B4GALNT3: variants seen among roughly 807,000 people sequenced by gnomAD.
The protein encoded by B4GALNT3 is beta-1,4-N-acetyl-galactosaminyltransferase 3.
Under a neutral mutation model 120.2 loss-of-function variants are expected in B4GALNT3, and 86 were observed. The ratio of observed to expected loss-of-function variants is 0.72; its 90% CI spans 0.60 to 0.86. The LOEUF (loss-of-function observed/expected upper bound fraction) is 0.86, where lower values mean the gene tolerates loss of function less well. B4GALNT3 is among the 40% of genes least tolerant of loss of function. The pLI, the probability that B4GALNT3 is intolerant of heterozygous loss-of-function variation, is 0.00. For synonymous variants in B4GALNT3, 518 were observed against 510.4 expected (o/e 1.01, Z -0.20); for missense variants, 1,167 against 1,298.9 (o/e 0.90, Z 1.56).
In B4GALNT3 at chr12:559,434, A is replaced by C; in HGVS notation, c.2888+13A>C. The C allele has an allele frequency of 6.2e-7, 1 of 1,612,860 alleles. No homozygotes were observed. The highest frequency in any genetic ancestry group is 8.5e-7 in the Non-Finnish European group (1 of 1,179,084). The stretch of plus-strand genomic sequence containing the variant: ...AGCTGCTGGACAGGTGACTGGGAAG[A>C]GGAGGGCATCCACGAGGCCTGGGAA... On this transcript the variant is annotated intron_variant, in intron 19 of 19. Transcript: ENST00000266383.
intron 1 of B4GALNT3, among the ~76,000 whole-genome samples, chr12:528,554 G>A (rs1946778439): frequency 6.6e-6 from 1 of 152,240 alleles, no homozygotes; most frequent in Admixed American, 6.5e-5. Context: ...TACTAGAAAG[G>A]ATAGGTTTAG....
At chr12:501,302 T>C (rs79779426) in intron 1 of B4GALNT3, among the ~76,000 whole-genome samples, 18 of 152,322 alleles carry the variant, frequency 1.2e-4, no homozygotes, top group African/African-American at 4.1e-4. Context: ...CTAATCTATT[T>C]GCAGGGTTGT....
At chr12:554,738 T>C (rs7978869) in intron 14 of B4GALNT3, among the ~76,000 whole-genome samples, 26,849 of 115,614 alleles carry the variant, frequency 0.23, 4,206 homozygotes, top group African/African-American at 0.47. Context: ...TGCAGTGAGC[T>C]GAGATTGCGC....
At chr12:535,550 G>T (rs1296467628) in intron 2 of B4GALNT3, among the ~76,000 whole-genome samples, 1 of 152,134 alleles carries the variant, frequency 6.6e-6, no homozygotes, top group Non-Finnish European at 1.5e-5. Flanking sequence ...GCCCGTGCCG[G>T]AACCACTCCG....
chr12:464,709 G>T (rs1946060221), intron 1 of B4GALNT3, among the ~76,000 whole-genome samples: 2 of 152,274 alleles, frequency 1.3e-5, no homozygotes, highest in African/African-American at 4.8e-5. Flanking sequence ...AAGACAGAAG[G>T]ATGGCATGTG....
rs1180578699 is a variant in B4GALNT3 at position 561,245 on chromosome 12, C to T, written c.2889-98C>T. Reference sequence around the variant, plus strand: ...CGTCCACTGCACCTGCCTTCCCTGCCCCGTGGGGAGCGAACAGAGGGTCTG... The same window carrying T: ...CGTCCACTGCACCTGCCTTCCCTGCTCCGTGGGGAGCGAACAGAGGGTCTG... On this transcript the variant is annotated intron_variant, in intron 19 of 19. Transcript: ENST00000266383. 6 of 877,886 alleles carry T rather than the reference C, an allele frequency of 6.8e-6. No individual in the cohort carries two copies. In the East Asian group the frequency reaches 1.3e-4, roughly 19 times the overall value. The allele number at this position is 877,886 out of a possible 1,614,324, so 54.4% of individuals were successfully genotyped here. A position where few individuals can be genotyped will look rare whatever the true frequency, so the allele number is the denominator to read the frequency against.
intron 1 of B4GALNT3, among the ~76,000 whole-genome samples, chr12:498,849 G>C (rs1461409125): frequency 2.6e-5 from 4 of 152,210 alleles, no homozygotes; most frequent in Admixed American, 2.6e-4. Context: ...TCTCGTGCAT[G>C]GTACAGGGCT....
At chr12:494,804 G>A (rs1408292821) in intron 1 of B4GALNT3, among the ~76,000 whole-genome samples, 4 of 151,516 alleles carry the variant, frequency 2.6e-5, no homozygotes, top group Non-Finnish European at 5.9e-5. Context: ...AGGCTGACTG[G>A]GGCCTAATGT....
rs762032000 is a variant in B4GALNT3 at position 511,013 on chromosome 12, C to CTTTTTTTTTTTT, written c.170-24122_170-24111dup. On this transcript the variant is annotated intron_variant, in intron 1 of 19. Coordinates refer to ENST00000266383, the MANE Select transcript of B4GALNT3 (RefSeq NM_173593.4). ...TTTGGTCTCTATGGATTTGCCTATT[C>CTTTTTTTTTTTT]TTTTTTTTTTTTTTTTTTTTTTTTT... Among the ~76,000 whole-genome samples the CTTTTTTTTTTTT allele has an allele frequency of 2.0e-4, 9 of 43,910 alleles. 1 individual carries two copies. The highest frequency in any genetic ancestry group is 3.7e-4 in the Non-Finnish European group (8 of 21,838). The allele number at this position is 43,910 out of a possible 152,430, so 28.8% of individuals were successfully genotyped here. A position where few individuals can be genotyped will look rare whatever the true frequency, so the allele number is the denominator to read the frequency against.
chr12:503,038 T>A lies in B4GALNT3; in HGVS notation c.170-32128T>A, dbSNP rs182825564. Among the ~76,000 whole-genome samples, 834 of 152,206 alleles carry A rather than the reference T, an allele frequency of 5.5e-3. 22 individuals are homozygous for A. The highest frequency in any genetic ancestry group is 0.042 in the Admixed American group (649 of 15,278). ...CTTCCCGAAGTGCTGGGATTACAGG[T>A]GTGAGCCACTGTGCCCTCCTAAACA... On this transcript the variant is annotated intron_variant, in intron 1 of 19. Coordinates refer to ENST00000266383, the MANE Select transcript of B4GALNT3 (RefSeq NM_173593.4).
At chr12:500,865 C>CCT (rs2043817132) in intron 1 of B4GALNT3, among the ~76,000 whole-genome samples, 1 of 61,830 alleles carries the variant, frequency 1.6e-5, no homozygotes, top group African/African-American at 7.5e-5. Context: ...GGCTCCACTG[C>CCT]TTTTTTTTTT....
At chr12:493,997 C>T (rs1241529446) in intron 1 of B4GALNT3, among the ~76,000 whole-genome samples, 1 of 152,188 alleles carries the variant, frequency 6.6e-6, no homozygotes, top group Non-Finnish European at 1.5e-5. Flanking sequence ...TGGCCAGGCA[C>T]AGTGGCTCAT....
At chr12:560,196 C>A (rs1019447246) in intron 19 of B4GALNT3, among the ~76,000 whole-genome samples, 4 of 152,080 alleles carry the variant, frequency 2.6e-5, no homozygotes, top group African/African-American at 9.7e-5. Flanking sequence ...GGGAGGGTAC[C>A]CTTCAGAAGG....
rs749173632 is a variant in B4GALNT3, at chr12:552,495, G to A, written c.1237G>A (p.Asp413Asn). The stretch of plus-strand genomic sequence containing the variant: ...CAGCTTTCAGGAGTACATCAAGATT[G>A]ACCAGCCTGAGAAGCAGGGGCTGGA... Reference protein sequence around the residue: ...RFSFQEYIKIDQPEKQGLEQP... With the variant: ...RFSFQEYIKINQPEKQGLEQP... The change falls in exon 13 of 20, where the codon GAC becomes AAC. Residue 413 changes from aspartate (D) to asparagine (N), a missense_variant. By Grantham distance (23) the Asp-to-Asn change is conservative. Around this residue, in one of 3 missense-constraint regions of B4GALNT3, gnomAD observed 983 missense variants for 1,102.5 expected, o/e 0.89. Coordinates refer to ENST00000266383, the MANE Select transcript of B4GALNT3 (RefSeq NM_173593.4). 5.6e-6 allele frequency: 9 copies of A among 1,613,868 alleles called. No homozygotes were observed. The Admixed American group carries it at 1.5e-4, about 27-fold the overall frequency.
At chr12:505,228 A>G (rs1946485743) in intron 1 of B4GALNT3, among the ~76,000 whole-genome samples, 1 of 152,200 alleles carries the variant, frequency 6.6e-6, no homozygotes, top group Non-Finnish European at 1.5e-5. Context: ...ATACTATGTA[A>G]TGAGTGAATT....
At chr12:466,705 A>G (rs2120417692) in intron 1 of B4GALNT3, among the ~76,000 whole-genome samples, 1 of 152,360 alleles carries the variant, frequency 6.6e-6, no homozygotes, top group South Asian at 2.1e-4. Flanking sequence ...TGAATTTAGA[A>G]GTATCCATTG....
chr12:554,043 G>T, intron 14 of B4GALNT3, 60 bp downstream of exon 14: 1 of 1,237,564 alleles, frequency 8.1e-7, no homozygotes, highest in Non-Finnish European at 1.2e-6. Context: ...AGCTGGCCTG[G>T]AAGGCAGGGG....
chr12:459,994 G>T lies in B4GALNT3; in HGVS notation c.-383G>T, dbSNP rs1251145686. Among the ~76,000 whole-genome samples the T allele has an allele frequency of 6.6e-6, 1 of 151,332 alleles. No individual in the cohort carries two copies. Among genetic ancestry groups the T allele is most frequent in the East Asian group, 1.9e-4 (1 of 5,146 alleles). On this transcript the variant is annotated 5_prime_UTR_variant, in exon 1 of 20. Transcript: ENST00000266383. ...GGAGCCCGGTCCGGGGCTGGCGGGG[G>T]CGCGGGCGGAGGCAGGCGGGCGGGC...
intron 1 of B4GALNT3, among the ~76,000 whole-genome samples, chr12:473,757 G>T (rs1225160756): frequency 1.3e-5 from 2 of 152,300 alleles, no homozygotes; most frequent in Non-Finnish European, 2.9e-5. Flanking sequence ...GTGTTAGGGA[G>T]ATCATGGGGA....
Sources: gnomAD v4.1 joint callset for allele counts (sites outside exome capture counted in the v4.1 genomes callset) on GRCh38, gnomAD v4.1.1 for gene constraint, gnomAD v4.1.1 regional missense constraint, MANE v1.5 for transcripts, NCBI Gene and HGNC (gene_info 2026-07-23, HGNC 2026-07-21) for gene names.